DCDC2C: variants seen among roughly 807,000 people sequenced by gnomAD.
DCDC2C encodes doublecortin domain containing 2C, also known as doublecortin domain-containing protein 2C.
DCDC2C carries 44 observed loss-of-function variants against 45.0 expected under a neutral mutation model. That is an observed-to-expected ratio of 0.98 (90% CI 0.77 to 1.26). The LOEUF is 1.26. DCDC2C is among the 50% of genes most tolerant of loss of function. DCDC2C has a pLI of 0.00. For missense variants in DCDC2C, 447 were observed against 468.9 expected, an observed-to-expected ratio of 0.95 and a Z score of 0.43; for synonymous variants, 187 against 178.8, an observed-to-expected ratio of 1.05 and a Z score of -0.37.
At chr2:3,847,111 C>T (rs553654057) in intron 10 of DCDC2C, 43 bp from the exon 11 acceptor site, 11 of 1,219,580 alleles carry the variant, frequency 9.0e-6, no homozygotes, top group Non-Finnish European at 1.0e-5. Flanking sequence ...CAGATCACAG[C>T]TTGAAGATGT....
At chr2:3,746,827 G>T (rs1431658490) in intron 4 of DCDC2C, among the ~76,000 whole-genome samples, 5 of 152,162 alleles carry the variant, frequency 3.3e-5, no homozygotes, top group African/African-American at 1.2e-4. Context: ...AGAGCAGAAG[G>T]CGTTGAGAGG....
chr2:3,732,664 A>G (rs777745381), intron 3 of DCDC2C, among the ~76,000 whole-genome samples: 12 of 152,168 alleles, frequency 7.9e-5, no homozygotes, highest in Admixed American at 1.3e-4. Flanking sequence ...TGTGTATCTA[A>G]TTAACTCCTG....
At chr2:3,794,040 T>A (rs932167246) in intron 10 of DCDC2C, among the ~76,000 whole-genome samples, 2 of 152,256 alleles carry the variant, frequency 1.3e-5, no homozygotes, top group Non-Finnish European at 2.9e-5. Flanking sequence ...TTAGTTACAA[T>A]GTGGAATCAG....
chr2:3,795,217 T>C (rs1670923516), intron 10 of DCDC2C, among the ~76,000 whole-genome samples: 1 of 152,018 alleles, frequency 6.6e-6, no homozygotes, highest in South Asian at 2.1e-4. Flanking sequence ...GGGTTGTTTG[T>C]TTTTTTCTTG....
At position 3,831,456 on chromosome 2, in the gene DCDC2C, T is replaced by G. The variant is rs115470304; in HGVS notation, c.1066-15698T>G. Among the ~76,000 whole-genome samples the G allele has an allele frequency of 2.2e-3, 338 of 152,340 alleles. 3 individuals carry two copies. Among genetic ancestry groups the G allele is most frequent in the African/African-American group, 7.9e-3 (329 of 41,578 alleles). On this transcript the variant is annotated intron_variant, in intron 10 of 10. Coordinates refer to ENST00000399143, the MANE Select transcript of DCDC2C (RefSeq NM_001287444.2). ...GACCGTACTGAATAACATCGGCAACTGTAACGCAGTGGTGAGTATTTGTGC... is the reference window on the plus strand; with the variant it reads ...GACCGTACTGAATAACATCGGCAACGGTAACGCAGTGGTGAGTATTTGTGC...
chr2:3,721,017 A>AAG (rs1307850472), intron 2 of DCDC2C, among the ~76,000 whole-genome samples: 1 of 152,028 alleles, frequency 6.6e-6, no homozygotes, highest in Non-Finnish European at 1.5e-5. Flanking sequence ...CATTTCGTTT[A>AAG]AGTTGTTGAA....
rs1010841051 is a variant in DCDC2C, at chr2:3,734,574, G to A, written c.417-7346G>A. Among the ~76,000 whole-genome samples the A allele has an allele frequency of 2.6e-5, 4 of 152,192 alleles. No individual in the cohort carries two copies. The highest frequency in any genetic ancestry group is 9.7e-5 in the African/African-American group (4 of 41,444). On this transcript the variant is annotated intron_variant, in intron 3 of 10. Transcript: ENST00000399143. The surrounding 1 kb of genome is among the most constrained non-coding windows in gnomAD (Gnocchi z 4.2). The stretch of plus-strand genomic sequence containing the variant: ...AAGTTTAGCCACAGAGAAATGCTGT[G>A]TTCTCATTAAGCAGTGGGGTCTGTA...
chr2:3,744,343 G>A (rs1055770187), intron 4 of DCDC2C, among the ~76,000 whole-genome samples: 17 of 152,296 alleles, frequency 1.1e-4, no homozygotes, highest in African/African-American at 3.6e-4. Flanking sequence ...CCCAGCGTCC[G>A]GCTGTTGGTG....
chr2:3,767,725 G>T, intron 6 of DCDC2C, 29 bp from the exon 7 acceptor site: 1 of 1,549,428 alleles, frequency 6.5e-7, no homozygotes, highest in South Asian at 1.2e-5. Context: ...TGTTCTTAAT[G>T]GACTTTCTCT....
At chr2:3,768,667 G>A (rs1254613179) in intron 7 of DCDC2C, among the ~76,000 whole-genome samples, 4 of 152,088 alleles carry the variant, frequency 2.6e-5, no homozygotes, top group East Asian at 1.9e-4. Flanking sequence ...TCTGCCTCCC[G>A]AGTTCAAGTG....
chr2:3,804,305 A>G (rs777019372), intron 10 of DCDC2C, among the ~76,000 whole-genome samples: 27 of 152,204 alleles, frequency 1.8e-4, no homozygotes, highest in Non-Finnish European at 3.7e-4. Context: ...TTTTTAGAAA[A>G]GAGCTCTATT....
chr2:3,796,968 G>T (rs1337491084), intron 10 of DCDC2C, among the ~76,000 whole-genome samples: 12 of 152,148 alleles, frequency 7.9e-5, no homozygotes, highest in African/African-American at 2.9e-4. Flanking sequence ...TTGTACCTCT[G>T]GTAGAATTCG....
intron 6 of DCDC2C, among the ~76,000 whole-genome samples, chr2:3,758,868 C>T (rs1221960819): frequency 6.6e-6 from 1 of 152,186 alleles, no homozygotes; most frequent in African/African-American, 2.4e-5. Context: ...TCTCATCTTC[C>T]AGCAGGATGT....
intron 1 of DCDC2C, 86 bp downstream of exon 1, chr2:3,704,124 G>A: frequency 8.8e-7 from 1 of 1,131,964 alleles, no homozygotes; most frequent in Non-Finnish European, 1.1e-6. Flanking sequence ...CCCCCCAGGT[G>A]TCCTCCCCAG....
rs150815221 is a variant in DCDC2C at position 3,843,629 on chromosome 2, G to A, written c.1066-3525G>A. Among the ~76,000 whole-genome samples, 181 of 152,352 alleles carry A rather than the reference G, an allele frequency of 1.2e-3. 1 individual carries two copies. Among genetic ancestry groups the A allele is most frequent in the African/African-American group, 4.3e-3 (178 of 41,584 alleles). On this transcript the variant is annotated intron_variant, in intron 10 of 10. Transcript: ENST00000399143. ...GGGGTATTCTTCCTGAGCTCCGAAA[G>A]TTGGTTCTAATGTGTTGGGGTCTAC...
intron 10 of DCDC2C, among the ~76,000 whole-genome samples, chr2:3,801,342 C>T (rs545213262): frequency 6.6e-6 from 1 of 152,272 alleles, no homozygotes; most frequent in African/African-American, 2.4e-5. Flanking sequence ...CATTCTTCTG[C>T]AAGGGTGACA....
At chr2:3,844,952 TATA>T (rs1672293447) in intron 10 of DCDC2C, among the ~76,000 whole-genome samples, 1 of 152,206 alleles carries the variant, frequency 6.6e-6, no homozygotes, top group African/African-American at 2.4e-5. Flanking sequence ...TAAGGCATAT[TATA>T]ATAATTATAC....
At chr2:3,753,511 G>C (rs751238453) in intron 5 of DCDC2C, among the ~76,000 whole-genome samples, 1 of 152,178 alleles carries the variant, frequency 6.6e-6, no homozygotes, top group Non-Finnish European at 1.5e-5. Flanking sequence ...TTTCGTGTAG[G>C]ACATGACTTG....
At chr2:3,731,438 A>G (rs569522132) in intron 3 of DCDC2C, among the ~76,000 whole-genome samples, 114 of 152,326 alleles carry the variant, frequency 7.5e-4, no homozygotes, top group Non-Finnish European at 1.4e-3. Flanking sequence ...CACACACACA[A>G]TAATGACCCT....
Sources: allele counts gnomAD v4.1 joint callset (sites outside exome capture counted in the v4.1 genomes callset), GRCh38; gene constraint gnomAD v4.1.1; non-coding constraint Gnocchi (gnomAD v3.1); transcripts MANE v1.5; gene names NCBI Gene and HGNC (gene_info 2026-07-23, HGNC 2026-07-21).